The following CELF4 variants were observed in gnomAD, a reference collection of about 807,000 sequenced individuals.
The protein encoded by CELF4 is CUG-BP- and ETR-3-like factor 4.
In CELF4, 18 loss-of-function variants were observed where a neutral mutation model predicts 59.9. That is an observed-to-expected ratio of 0.30 (90% CI 0.21 to 0.45). The LOEUF (loss-of-function observed/expected upper bound fraction) is 0.45. CELF4 is among the 20% of genes least tolerant of loss of function. The probability of loss-of-function intolerance (pLI) is 1.00; values close to 1 mark genes in which losing one functional copy is unlikely to be tolerated. For synonymous variants in CELF4, 261 were observed against 267.1 expected, an observed-to-expected ratio of 0.98 and a Z score of 0.22; for missense variants, 456 against 689.0, an observed-to-expected ratio of 0.66 and a Z score of 3.79.
intron 2 of CELF4, among the ~76,000 whole-genome samples, chr18:37,354,809 GT>G (rs1204513065): frequency 6.6e-6 from 1 of 152,184 alleles, no homozygotes; most frequent in Non-Finnish European, 1.5e-5. Flanking sequence ...TGATGAACCT[GT>G]TTGCAAAAGT....
intron 1 of CELF4, among the ~76,000 whole-genome samples, chr18:37,504,297 C>A (rs1026289303): frequency 1.3e-5 from 2 of 151,982 alleles, no homozygotes; most frequent in South Asian, 2.1e-4. Context: ...TCAAGATCAG[C>A]CTGGCCAACA....
At chr18:37,260,351 C>T (rs991742092) in intron 10 of CELF4, among the ~76,000 whole-genome samples, 4 of 152,234 alleles carry the variant, frequency 2.6e-5, no homozygotes, top group African/African-American at 7.2e-5. Flanking sequence ...AAATGGAAAT[C>T]GTTCCAAGAT....
intron 10 of CELF4, 117 bp from the exon 11 acceptor site, chr18:37,259,381 A>C: frequency 2.7e-5 from 10 of 368,980 alleles, no homozygotes; most frequent in East Asian, 2.2e-4. Context: ...GGGCAAGGTT[A>C]GGAGGGGGAG....
At chr18:37,270,191 G>GAA (rs11317608) in intron 8 of CELF4, among the ~76,000 whole-genome samples, 2 of 152,082 alleles carry the variant, frequency 1.3e-5, no homozygotes, top group Non-Finnish European at 1.5e-5. Flanking sequence ...CAGACTATTT[G>GAA]AAAAAATAGT....
chr18:37,253,882 C>G lies in CELF4; in HGVS notation c.1390G>C (p.Gly464Arg). ...AGCCTCTTCATGCCGATCTGGAAGC[C>G]GTTCATGGCCTGGATGGCGGTCTGC... is the stretch of plus-strand genomic sequence containing the variant. ...SAQTAIQAMN[G>R]FQIGMKRLKV... Residue 464 changes from glycine to arginine, a missense_variant, in exon 12 of 13, where the codon GGC becomes CGC. This residue lies in a region of CELF4 where 256 missense variants were observed against 340.8 expected (regional missense o/e 0.75). Coordinates refer to ENST00000420428, the MANE Select transcript of CELF4 (RefSeq NM_020180.4). The surrounding 1 kb of genome is among the most constrained non-coding windows in gnomAD (Gnocchi z 4.5). The G allele has an allele frequency of 6.2e-7, 1 of 1,608,978 alleles. No individual in the cohort carries two copies. Among genetic ancestry groups the G allele is most frequent in the Non-Finnish European group, 8.5e-7 (1 of 1,177,876 alleles).
chr18:37,435,974 CA>C (rs1461740031), intron 2 of CELF4, among the ~76,000 whole-genome samples: 1 of 152,106 alleles, frequency 6.6e-6, no homozygotes, highest in Non-Finnish European at 1.5e-5. Flanking sequence ...GTGGGCACTC[CA>C]GGACCCCCGC....
chr18:37,505,939 G>A (rs996115818), intron 1 of CELF4, among the ~76,000 whole-genome samples: 10 of 151,830 alleles, frequency 6.6e-5, no homozygotes, highest in Non-Finnish European at 1.2e-4. Flanking sequence ...CATGAGGCAC[G>A]TCTTTTCCAT....
chr18:37,487,072 GC>G (rs1264703292), intron 1 of CELF4, among the ~76,000 whole-genome samples: 2 of 152,136 alleles, frequency 1.3e-5, no homozygotes, highest in Non-Finnish European at 2.9e-5. Context: ...CTCTCATGAG[GC>G]CCACAGGCTG....
At chr18:37,451,368 G>C (rs1370629793) in intron 2 of CELF4, among the ~76,000 whole-genome samples, 4 of 150,078 alleles carry the variant, frequency 2.7e-5, no homozygotes, top group Admixed American at 6.6e-5. Context: ...ATCTGTGCGT[G>C]TGTGTATGCT....
At chr18:37,312,137 A>AAAAAAGAAAAG (rs2096691556) in intron 3 of CELF4, among the ~76,000 whole-genome samples, 3 of 141,314 alleles carry the variant, frequency 2.1e-5, no homozygotes, top group Non-Finnish European at 3.0e-5. Flanking sequence ...AAAAGAAAAA[A>AAAAAAGAAAAG]AAAAAAAGAA....
intron 12 of CELF4, among the ~76,000 whole-genome samples, chr18:37,248,622 G>A (rs1308091569): frequency 6.6e-6 from 1 of 151,522 alleles, no homozygotes; most frequent in African/African-American, 2.4e-5. Context: ...CTGGCCCACC[G>A]CAAGGCCCCA....
rs547422377 is a variant in CELF4 at position 37,281,302 on chromosome 18, T to G, written c.449-6059A>C. Among the ~76,000 whole-genome samples, 276 of 152,356 alleles carry G rather than the reference T, an allele frequency of 1.8e-3. 1 individual carries two copies. The highest frequency in any genetic ancestry group is 6.8e-3 in the Middle Eastern group (2 of 294). ...TCGCCAAATGCCAGCATCCTGGCACTAATGCTCAAATTCCAGTTTAATTTT... is the reference window on the plus strand; with the variant it reads ...TCGCCAAATGCCAGCATCCTGGCACGAATGCTCAAATTCCAGTTTAATTTT... On this transcript the variant is annotated intron_variant, in intron 3 of 12. Transcript: ENST00000420428.
chr18:37,298,388 C>T (rs1464349451), intron 3 of CELF4, among the ~76,000 whole-genome samples: 1 of 152,216 alleles, frequency 6.6e-6, no homozygotes, highest in Non-Finnish European at 1.5e-5. Flanking sequence ...CACTGCTCTA[C>T]TCAAGGCCCC....
At position 37,270,820 on chromosome 18, in the gene CELF4, A is replaced by G. The variant is rs756868149; in HGVS notation, c.1047T>C (p.Asn349=). The change falls in exon 8 of 13, where the codon AAT becomes AAC. Residue 349 remains asparagine (N), a synonymous_variant. Transcript: ENST00000420428. ...ACACAGCTTCCGCAGCAGGTTGCCC[A>G]TTGGCCTGTGGGGGGAGGCCGGTGA... ...NGFTGLPPQA[N]GQPAAEAVFA... The G allele has an allele frequency of 1.1e-5, 18 of 1,613,872 alleles. No individual in the cohort carries two copies. The African/African-American group carries it at 2.3e-4, about 20-fold the overall frequency.
At chr18:37,342,421 C>A (rs1222947342) in intron 2 of CELF4, among the ~76,000 whole-genome samples, 1 of 152,136 alleles carries the variant, frequency 6.6e-6, no homozygotes, top group Admixed American at 6.5e-5. Flanking sequence ...GAAAAAGTGA[C>A]CCCATGTTCT....
chr18:37,485,680 C>T, intron 1 of CELF4, 73 bp from the exon 2 acceptor site: 1 of 986,894 alleles, frequency 1.0e-6, no homozygotes, highest in African/African-American at 1.7e-5. Flanking sequence ...CTGCCGCCCG[C>T]CCTCCAGGCT....
intron 6 of CELF4, chr18:37,273,572 T>C (rs1266668816): frequency 2.0e-6 from 2 of 994,314 alleles, no homozygotes; most frequent in Non-Finnish European, 2.4e-6. Context: ...TAATTTGGAG[T>C]CTGTTGGTAG....
rs529738115 is a variant in CELF4, at chr18:37,262,394, T to TGG, written c.1249+2278_1249+2279dup. Reference sequence around the variant, plus strand: ...TAGACTAGGGAGCAAGGTGTGTGTGTGGGGTGGGGGAGGGGGGGGCAGGAA... The same window carrying TGG: ...TAGACTAGGGAGCAAGGTGTGTGTGTGGGGGGTGGGGGAGGGGGGGGCAGGAA... On this transcript the variant is annotated intron_variant, in intron 10 of 12. Coordinates refer to ENST00000420428, the MANE Select transcript of CELF4 (RefSeq NM_020180.4). Among the ~76,000 whole-genome samples, 495 of 127,528 alleles carry TGG rather than the reference T, an allele frequency of 3.9e-3. 2 individuals are homozygous for TGG. The highest frequency in any genetic ancestry group is 8.7e-3 in the Admixed American group (115 of 13,214). 83.7% of individuals were successfully genotyped at this position (127,528 alleles called of 152,430 possible).
intron 11 of CELF4, among the ~76,000 whole-genome samples, chr18:37,257,675 C>A (rs573878465): frequency 2.6e-5 from 4 of 152,296 alleles, no homozygotes; most frequent in African/African-American, 9.6e-5. Context: ...CCCTCCACCA[C>A]CCCCAAGCTG....
Sources: allele counts gnomAD v4.1 joint callset (sites outside exome capture counted in the v4.1 genomes callset), GRCh38; gene constraint gnomAD v4.1.1; regional missense constraint gnomAD v4.1.1; non-coding constraint Gnocchi (gnomAD v3.1); transcripts MANE v1.5; gene names NCBI Gene and HGNC (gene_info 2026-07-23, HGNC 2026-07-21).